Variants in ZNF804B observed in about 807,000 individuals in gnomAD.
The protein encoded by ZNF804B is zinc finger protein 804B.
In ZNF804B, 80 loss-of-function variants were observed where a neutral mutation model predicts 101.4. The ratio of observed to expected loss-of-function variants is 0.79; its 90% CI spans 0.66 to 0.95. The LOEUF is 0.95. ZNF804B is among the 40% of genes least tolerant of loss of function. ZNF804B has a pLI of 0.00. For synonymous variants in ZNF804B, 622 were observed against 558.8 expected (o/e 1.11, Z -1.59); for missense variants, 1,673 against 1,561.9 (o/e 1.07, Z -1.20).
At chr7:89,194,388 A>G (rs1168310971) in intron 1 of ZNF804B, among the ~76,000 whole-genome samples, 1 of 150,376 alleles carries the variant, frequency 6.6e-6, no homozygotes, top group Non-Finnish European at 1.5e-5. Context: ...GTCCTTGCCC[A>G]TGCCTATGTC....
chr7:88,766,452 T>A (rs538953951), intron 1 of ZNF804B, among the ~76,000 whole-genome samples: 1 of 152,334 alleles, frequency 6.6e-6, no homozygotes, highest in South Asian at 2.1e-4. Context: ...GATATCTAAA[T>A]TCTAAACATA....
rs74836803 is a variant in ZNF804B, at chr7:88,832,107, T to C, written c.108+72023T>C. Among the ~76,000 whole-genome samples, 421 of 151,914 alleles carry C rather than the reference T, an allele frequency of 2.8e-3. 6 individuals are homozygous for C. The highest frequency in any genetic ancestry group is 9.9e-3 in the African/African-American group (410 of 41,516). On this transcript the variant is annotated intron_variant, in intron 1 of 3. Transcript: ENST00000333190. ...GCTCTGTGTTTCCCTAATTAAACAA[T>C]TGTGGCATATGCATTCTGTAGAAGC...
chr7:89,230,232 G>GCTGA (rs1333135372), intron 2 of ZNF804B, among the ~76,000 whole-genome samples: 1 of 151,644 alleles, frequency 6.6e-6, no homozygotes, highest in African/African-American at 2.4e-5. Flanking sequence ...GAAACTAAAA[G>GCTGA]CTGACTCTCT....
At chr7:89,163,572 T>G (rs970517573) in intron 1 of ZNF804B, among the ~76,000 whole-genome samples, 1 of 152,176 alleles carries the variant, frequency 6.6e-6, no homozygotes, top group African/African-American at 2.4e-5. Context: ...CTTTTTTTCC[T>G]TTGCTTATCT....
chr7:88,890,459 T>C (rs1366970088), intron 1 of ZNF804B, among the ~76,000 whole-genome samples: 3 of 152,150 alleles, frequency 2.0e-5, no homozygotes, highest in Non-Finnish European at 2.9e-5. Flanking sequence ...CAAAATGTCT[T>C]CCAAAGTGGC....
intron 2 of ZNF804B, among the ~76,000 whole-genome samples, chr7:89,319,760 C>A (rs1019825366): frequency 3.3e-5 from 5 of 152,090 alleles, no homozygotes; most frequent in Non-Finnish European, 1.5e-5. Context: ...AAGGTAGTGT[C>A]TATATGCAAA....
chr7:89,280,578 C>G (rs1790076515), intron 2 of ZNF804B, among the ~76,000 whole-genome samples: 1 of 152,124 alleles, frequency 6.6e-6, no homozygotes, highest in Non-Finnish European at 1.5e-5. Context: ...GGGATATCAC[C>G]ACCGATCCCA....
At chr7:89,171,318 T>G (rs1252376877) in intron 1 of ZNF804B, among the ~76,000 whole-genome samples, 1 of 122,598 alleles carries the variant, frequency 8.2e-6, no homozygotes, top group African/African-American at 3.1e-5. Context: ...TTCTTCTTCT[T>G]CTTCTTCTTC....
At chr7:88,838,509 T>G (rs17164651) in intron 1 of ZNF804B, among the ~76,000 whole-genome samples, 3,927 of 152,072 alleles carry the variant, frequency 0.026, 130 homozygotes, top group African/African-American at 0.072. Flanking sequence ...CTTGAAAGTA[T>G]TTTTCTATAA....
At chr7:88,926,326 C>T (rs1339021232) in intron 1 of ZNF804B, among the ~76,000 whole-genome samples, 2 of 151,846 alleles carry the variant, frequency 1.3e-5, no homozygotes, top group Non-Finnish European at 2.9e-5. Flanking sequence ...GTGGCTCATG[C>T]CTGTAATCCT....
chr7:88,913,770 T>C (rs969559041), intron 1 of ZNF804B, among the ~76,000 whole-genome samples: 1 of 152,230 alleles, frequency 6.6e-6, no homozygotes, highest in Non-Finnish European at 1.5e-5. Flanking sequence ...CAAGTGTATA[T>C]GCGGATGAAA....
chr7:89,335,665 A>G lies in ZNF804B; in HGVS notation c.2683A>G (p.Asn895Asp). The G allele has an allele frequency of 6.2e-7, 1 of 1,614,074 alleles. No individual in the cohort carries two copies. The highest frequency in any genetic ancestry group is 1.1e-5 in the South Asian group (1 of 91,088). Residue 895 changes from asparagine to aspartate, a missense_variant, in exon 4 of 4, where the codon AAT becomes GAT. Transcript: ENST00000333190. The part of the protein sequence containing the change: ...KVRPMKCNSG[N>D]ISCLLKNCSS... ...CAGGCCCATGAAGTGTAACTCCGGG[A>G]ATATCAGCTGCCTTCTAAAGAACTG...
At chr7:88,799,522 A>G (rs1358984473) in intron 1 of ZNF804B, among the ~76,000 whole-genome samples, 1 of 152,038 alleles carries the variant, frequency 6.6e-6, no homozygotes, top group Non-Finnish European at 1.5e-5. Flanking sequence ...ATTCCTCTGG[A>G]ACCAAAGGAT....
chr7:88,907,532 TTAAAC>T (rs1190631300), intron 1 of ZNF804B, among the ~76,000 whole-genome samples: 1 of 152,006 alleles, frequency 6.6e-6, no homozygotes, highest in Non-Finnish European at 1.5e-5. Context: ...TAAATCTAAT[TTAAAC>T]TAATTTAATC....
At chr7:89,049,556 T>C (rs1246035946) in intron 1 of ZNF804B, among the ~76,000 whole-genome samples, 1 of 152,102 alleles carries the variant, frequency 6.6e-6, no homozygotes, top group Non-Finnish European at 1.5e-5. Flanking sequence ...TATTAGCACA[T>C]CTGGTTTACT....
At chr7:88,902,537 A>G (rs1210459034) in intron 1 of ZNF804B, among the ~76,000 whole-genome samples, 4 of 152,038 alleles carry the variant, frequency 2.6e-5, no homozygotes, top group Non-Finnish European at 4.4e-5. Context: ...TCTTTCCTGA[A>G]TAAATACATT....
chr7:89,202,511 T>A (rs1788657091), intron 1 of ZNF804B, among the ~76,000 whole-genome samples: 2 of 152,144 alleles, frequency 1.3e-5, no homozygotes, highest in Non-Finnish European at 2.9e-5. Context: ...AATATGAATG[T>A]TATTTCTAAA....
chr7:88,909,611 A>G (rs1792519814), intron 1 of ZNF804B, among the ~76,000 whole-genome samples: 2 of 151,800 alleles, frequency 1.3e-5, no homozygotes, highest in Admixed American at 1.3e-4. Flanking sequence ...TGCTTGTTCA[A>G]CTTTCTCTAA....
intron 1 of ZNF804B, among the ~76,000 whole-genome samples, chr7:89,215,606 G>C (rs112026951): frequency 3.3e-5 from 5 of 151,886 alleles, no homozygotes; most frequent in African/African-American, 7.2e-5. Flanking sequence ...TGATTAGGCC[G>C]GGGGCGGTGG....
Sources: allele counts gnomAD v4.1 joint callset (sites outside exome capture counted in the v4.1 genomes callset), GRCh38; gene constraint gnomAD v4.1.1; transcripts MANE v1.5; gene names NCBI Gene and HGNC (gene_info 2026-07-23, HGNC 2026-07-21).